Variants in OCA2 observed in about 807,000 individuals in gnomAD.
OCA2 encodes P protein.
OCA2 carries 77 observed loss-of-function variants against 100.2 expected under a neutral mutation model. That is an observed-to-expected ratio of 0.77 (90% CI 0.64 to 0.93). The LOEUF (loss-of-function observed/expected upper bound fraction) is 0.93. Ranked by LOEUF, OCA2 falls within the 40% of genes least tolerant of loss-of-function variation. The pLI is 0.00. For missense variants in OCA2, 1,062 were observed against 1,089.1 expected (o/e 0.98, Z 0.35); for synonymous variants, 432 against 439.2 (o/e 0.98, Z 0.21).
intron 9 of OCA2, among the ~76,000 whole-genome samples, chr15:27,996,145 A>G (rs1369365063): frequency 6.6e-6 from 1 of 152,198 alleles, no homozygotes; most frequent in Non-Finnish European, 1.5e-5. Context: ...GTGTCATAAA[A>G]GAAATAAAAT....
chr15:27,999,702 TTA>T (rs1356506917), intron 9 of OCA2, among the ~76,000 whole-genome samples: 1 of 152,198 alleles, frequency 6.6e-6, no homozygotes. Flanking sequence ...AGATGTGATC[TTA>T]TATATAGAAA....
At chr15:28,034,770 C>T (rs2043000786) in intron 2 of OCA2, among the ~76,000 whole-genome samples, 2 of 151,692 alleles carry the variant, frequency 1.3e-5, no homozygotes, top group Admixed American at 1.3e-4. Context: ...GACCAAGACC[C>T]TGTCACAAAA....
At chr15:27,896,919 A>G (rs1464481610) in intron 19 of OCA2, among the ~76,000 whole-genome samples, 1 of 152,148 alleles carries the variant, frequency 6.6e-6, no homozygotes, top group East Asian at 1.9e-4. Flanking sequence ...GGCCAGGCGC[A>G]GTGGCTCACG....
intron 1 of OCA2, among the ~76,000 whole-genome samples, chr15:28,083,540 A>G (rs2044717107): frequency 6.6e-6 from 1 of 152,202 alleles, no homozygotes; most frequent in Non-Finnish European, 1.5e-5. Flanking sequence ...ACAAAGTACA[A>G]ATGTACATAC....
chr15:27,809,547 G>T (rs957282016), intron 23 of OCA2, among the ~76,000 whole-genome samples: 1 of 152,078 alleles, frequency 6.6e-6, no homozygotes, highest in Non-Finnish European at 1.5e-5. Context: ...AAGAAAGAAG[G>T]GTATCCAAAT....
chr15:28,027,750 G>C, intron 4 of OCA2, 121 bp downstream of exon 4: 1 of 1,034,906 alleles, frequency 9.7e-7, no homozygotes. Flanking sequence ...AGTGCAGCCT[G>C]GCCAGATGAG....
At chr15:27,916,962 G>A (rs981919173) in intron 19 of OCA2, among the ~76,000 whole-genome samples, 5 of 152,088 alleles carry the variant, frequency 3.3e-5, no homozygotes, top group Admixed American at 3.3e-4. Flanking sequence ...TCTTAGGTAG[G>A]TGTAAGATAG....
intron 23 of OCA2, among the ~76,000 whole-genome samples, chr15:27,765,784 C>G (rs1226759916): frequency 6.6e-6 from 1 of 152,228 alleles, no homozygotes; most frequent in Non-Finnish European, 1.5e-5. Flanking sequence ...GGTCCGGGAA[C>G]AGGAATGCAT....
At chr15:27,807,376 CTG>C (rs2033900897) in intron 23 of OCA2, among the ~76,000 whole-genome samples, 1 of 152,200 alleles carries the variant, frequency 6.6e-6, no homozygotes, top group Admixed American at 6.5e-5. Flanking sequence ...TGCTGTGGTG[CTG>C]TGACCAGTCA....
At chr15:28,050,593 C>G (rs901521190) in intron 2 of OCA2, among the ~76,000 whole-genome samples, 4 of 151,360 alleles carry the variant, frequency 2.6e-5, no homozygotes, top group Non-Finnish European at 5.9e-5. Flanking sequence ...AAGACCAGTG[C>G]CCTCCAGTGG....
intron 21 of OCA2, among the ~76,000 whole-genome samples, chr15:27,857,812 G>A (rs1235935039): frequency 2.0e-5 from 3 of 152,132 alleles, no homozygotes; most frequent in Non-Finnish European, 4.4e-5. Context: ...AATCTATGAA[G>A]GAAGTAAGGA....
intron 22 of OCA2, among the ~76,000 whole-genome samples, chr15:27,848,239 G>T (rs2035607987): frequency 6.6e-6 from 1 of 152,188 alleles, no homozygotes; most frequent in African/African-American, 2.4e-5. Context: ...CCTATCATGG[G>T]CAGGGGCAGA....
chr15:28,018,255 AAAGAT>A lies in OCA2; in HGVS notation c.807+137_807+141del, dbSNP rs2042464542. 9.3e-6 allele frequency: 7 copies of A among 755,490 alleles called. No homozygotes were observed. In the South Asian group the frequency reaches 1.1e-4, roughly 12 times the overall value. The allele number at this position is 755,490 out of a possible 1,614,324, so 46.8% of individuals were successfully genotyped here. On this transcript the variant is annotated intron_variant, in intron 7 of 23. Coordinates refer to ENST00000354638, the MANE Select transcript of OCA2 (RefSeq NM_000275.3). ...AAAAGAGAATTTCAAAGACAAAGCAAAAGATAAGAAGAGCCAATGAATTGACTAAG... is the reference window on the plus strand; with the variant it reads ...AAAAGAGAATTTCAAAGACAAAGCAAAAGAAGAGCCAATGAATTGACTAAG...
intron 3 of OCA2, 96 bp from the exon 4 acceptor site, chr15:28,028,155 A>G (rs1203998254): frequency 1.4e-6 from 2 of 1,384,052 alleles, no homozygotes; most frequent in Non-Finnish European, 2.0e-6. Flanking sequence ...ATGGCACCGA[A>G]TCAACCCTGG....
intron 19 of OCA2, among the ~76,000 whole-genome samples, chr15:27,915,491 AAG>A (rs1392768898): frequency 6.6e-6 from 1 of 152,208 alleles, no homozygotes; most frequent in Non-Finnish European, 1.5e-5. Flanking sequence ...CAGAATCTAT[AAG>A]AGACTTAAAC....
chr15:27,720,098 A>G, the OCA2 span, among the ~76,000 whole-genome samples: 1 of 152,222 alleles, frequency 6.6e-6, no homozygotes, highest in Admixed American at 6.5e-5. Flanking sequence ...GTATTGCCAC[A>G]ATGAAGATTA....
intron 19 of OCA2, among the ~76,000 whole-genome samples, chr15:27,919,738 C>T (rs2038791357): frequency 6.6e-6 from 1 of 152,136 alleles, no homozygotes; most frequent in African/African-American, 2.4e-5. Context: ...GAATGTACAA[C>T]ACCAAGAACC....
chr15:27,786,398 T>G (rs2032817429), intron 23 of OCA2, among the ~76,000 whole-genome samples: 1 of 152,188 alleles, frequency 6.6e-6, no homozygotes, highest in African/African-American at 2.4e-5. Context: ...TACTGAGTCT[T>G]GCATATGAAC....
At chr15:27,946,236 A>T (rs1249984329) in intron 18 of OCA2, among the ~76,000 whole-genome samples, 1 of 152,228 alleles carries the variant, frequency 6.6e-6, no homozygotes, top group Non-Finnish European at 1.5e-5. Context: ...CCCAAAATGA[A>T]GGCCTCAGAA....
Sources: allele counts gnomAD v4.1 joint callset (sites outside exome capture counted in the v4.1 genomes callset), GRCh38; gene constraint gnomAD v4.1.1; transcripts MANE v1.5; gene names NCBI Gene and HGNC (gene_info 2026-07-23, HGNC 2026-07-21).